IFNAR1: variants seen among roughly 807,000 people sequenced by gnomAD.
IFNAR1 encodes the protein interferon alpha/beta receptor 1.
A neutral mutation model predicts 62.1 loss-of-function variants in IFNAR1; 47 were observed. That is an observed-to-expected ratio of 0.76 (90% CI 0.60 to 0.97). IFNAR1 has a LOEUF of 0.97. Ranked by LOEUF, IFNAR1 falls within the 50% of genes least tolerant of loss-of-function variation. The pLI, the probability that IFNAR1 is intolerant of heterozygous loss-of-function variation, is 0.00. For synonymous variants in IFNAR1, 219 were observed against 226.9 expected, an observed-to-expected ratio of 0.97 and a Z score of 0.31; for missense variants, 638 against 654.5, an observed-to-expected ratio of 0.97 and a Z score of 0.27.
At chr21:33,354,990 C>CA (rs34554477) in intron 10 of IFNAR1, among the ~76,000 whole-genome samples, 26 of 145,082 alleles carry the variant, frequency 1.8e-4, no homozygotes, top group Admixed American at 2.1e-4. Flanking sequence ...TTTATTATTT[C>CA]AAAAAAAAAA....
chr21:33,325,678 C>T (rs1291977907), intron 1 of IFNAR1, among the ~76,000 whole-genome samples: 8 of 152,174 alleles, frequency 5.3e-5, no homozygotes, highest in African/African-American at 1.9e-4. Context: ...GAGCCACAAA[C>T]ACGTCTGTGA....
At chr21:33,345,455 G>T in intron 6 of IFNAR1, 95 bp downstream of exon 6, 2 of 730,282 alleles carry the variant, frequency 2.7e-6, no homozygotes, top group South Asian at 1.6e-5. Flanking sequence ...CACACAGAAT[G>T]ACCGACTGGG....
chr21:33,324,402 C>G (rs2843710), upstream of IFNAR1: 58,220 of 152,988 alleles, frequency 0.38, 11,266 homozygotes, highest in Middle Eastern at 0.45. Context: ...CCCGCTCTCG[C>G]TCTGCACACA....
intron 1 of IFNAR1, among the ~76,000 whole-genome samples, chr21:33,331,236 T>C (rs1409740400): frequency 6.6e-6 from 1 of 152,142 alleles, no homozygotes; most frequent in Non-Finnish European, 1.5e-5. Context: ...GGGAACACAC[T>C]ACCTTGGCCA....
chr21:33,353,034 C>T, intron 9 of IFNAR1, 126 bp downstream of exon 9: 1 of 565,940 alleles, frequency 1.8e-6, no homozygotes, highest in Non-Finnish European at 2.9e-6. Flanking sequence ...AGAATGTTTT[C>T]TTCATGAACT....
upstream of IFNAR1, chr21:33,324,910 G>A: frequency 1.7e-6 from 1 of 603,334 alleles, no homozygotes. Flanking sequence ...TGTCAGAAGA[G>A]GCGGCGCGTG....
At chr21:33,338,205 A>G (rs1433513954) in intron 2 of IFNAR1, among the ~76,000 whole-genome samples, 8 of 152,044 alleles carry the variant, frequency 5.3e-5, no homozygotes. Context: ...GCCATGAGAT[A>G]TTGTCTCCCC....
At chr21:33,340,919 T>C (rs1371889653) in intron 2 of IFNAR1, 80 bp from the exon 3 acceptor site, 2 of 891,716 alleles carry the variant, frequency 2.2e-6, no homozygotes, top group Non-Finnish European at 3.6e-6. Context: ...GAAATAACTC[T>C]TATACCAGTA....
chr21:33,331,772 G>T (rs1290207596), intron 1 of IFNAR1, among the ~76,000 whole-genome samples: 1 of 152,056 alleles, frequency 6.6e-6, no homozygotes, highest in Non-Finnish European at 1.5e-5. Flanking sequence ...AGCCCTATTA[G>T]CTCATATTCC....
intron 1 of IFNAR1, among the ~76,000 whole-genome samples, chr21:33,333,117 C>T (rs2123662293): frequency 6.6e-6 from 1 of 152,270 alleles, no homozygotes; most frequent in Non-Finnish European, 1.5e-5. Context: ...AGAAAGGCAT[C>T]AAGTCACATT....
In IFNAR1 at chr21:33,337,542, C is replaced by T. The variant is rs993432185; in HGVS notation, c.200+1895C>T. ...TCAGCCACAGCTGTGACACTATTCT[C>T]GAGTTGTAACTAAAACTGGCATATG... is the stretch of plus-strand genomic sequence containing the variant. On this transcript the variant is annotated intron_variant, in intron 2 of 10. Transcript: ENST00000270139. Among the ~76,000 whole-genome samples the T allele has an allele frequency of 7.2e-5, 11 of 152,160 alleles. No homozygotes were observed. In the East Asian group the frequency reaches 1.5e-3, roughly 21 times the overall value.
chr21:33,343,725 T>C, intron 5 of IFNAR1, 49 bp downstream of exon 5: 2 of 1,378,934 alleles, frequency 1.5e-6, no homozygotes, highest in African/African-American at 1.5e-5. Flanking sequence ...AAACAGATTG[T>C]CAATTTTGGC....
chr21:33,342,635 G>A (rs2083301945), intron 3 of IFNAR1, among the ~76,000 whole-genome samples: 1 of 148,718 alleles, frequency 6.7e-6, no homozygotes, highest in East Asian at 2.0e-4. Flanking sequence ...ACGAGGTCAG[G>A]AGATCGAGAC....
intron 1 of IFNAR1, among the ~76,000 whole-genome samples, chr21:33,331,341 C>T (rs1041025719): frequency 6.6e-6 from 1 of 152,254 alleles, no homozygotes; most frequent in Non-Finnish European, 1.5e-5. Flanking sequence ...TCACACTCCC[C>T]GGGCCTCAGC....
intron 3 of IFNAR1, among the ~76,000 whole-genome samples, chr21:33,341,912 C>T (rs17875816): frequency 0.097 from 14,705 of 152,174 alleles, 991 homozygotes; most frequent in African/African-American, 0.18. Context: ...AACTCCCAAC[C>T]TCAGGTGATC....
In IFNAR1 at chr21:33,335,119, A is replaced by G. The variant is rs1303801538; in HGVS notation, c.77-405A>G. 20 of 696,028 alleles carry G rather than the reference A, an allele frequency of 2.9e-5. No individual in the cohort carries two copies. In the East Asian group the frequency reaches 3.8e-4, roughly 13 times the overall value. 43.1% of individuals were successfully genotyped at this position (696,028 alleles called of 1,614,324 possible). ...ACCTTATTTATTTGGACGTAACACCATTGTAAGTCAAGAAGCATCTCTATC... is the reference window on the plus strand; with the variant it reads ...ACCTTATTTATTTGGACGTAACACCGTTGTAAGTCAAGAAGCATCTCTATC... On this transcript the variant is annotated intron_variant, in intron 1 of 10. Coordinates refer to ENST00000270139, the MANE Select transcript of IFNAR1 (RefSeq NM_000629.3).
chr21:33,325,299 G>A (rs2083116062), intron 1 of IFNAR1, among the ~76,000 whole-genome samples, 168 bp downstream of exon 1: 1 of 152,190 alleles, frequency 6.6e-6, no homozygotes, highest in South Asian at 2.1e-4. Context: ...AATCAACCAG[G>A]AGAAAGTGGT....
chr21:33,334,710 G>C (rs1290718894), intron 1 of IFNAR1: 1 of 850,112 alleles, frequency 1.2e-6, no homozygotes, highest in Non-Finnish European at 2.0e-6. Flanking sequence ...CACCTTCCCT[G>C]ACCCCAGTGT....
At chr21:33,329,588 T>C (rs1288753375) in intron 1 of IFNAR1, among the ~76,000 whole-genome samples, 2 of 152,206 alleles carry the variant, frequency 1.3e-5, no homozygotes, top group Non-Finnish European at 2.9e-5. Flanking sequence ...ACCCCTGTGG[T>C]AGAACAAGTC....
Sources: allele counts gnomAD v4.1 joint callset (sites outside exome capture counted in the v4.1 genomes callset), GRCh38; gene constraint gnomAD v4.1.1; transcripts MANE v1.5; gene names NCBI Gene and HGNC (gene_info 2026-07-23, HGNC 2026-07-21).